PARP4: variants seen among roughly 807,000 people sequenced by gnomAD.
The protein encoded by PARP4 is poly(ADP-ribose) polymerase family member 4, also known as protein mono-ADP-ribosyltransferase PARP4.
Under a neutral mutation model 187.7 loss-of-function variants are expected in PARP4, and 120 were observed. That is an observed-to-expected ratio of 0.64 (90% CI 0.55 to 0.74). The LOEUF (loss-of-function observed/expected upper bound fraction) is 0.74. Ranked by LOEUF, PARP4 falls within the 30% of genes least tolerant of loss-of-function variation. The pLI is 0.00. For synonymous variants in PARP4, 654 were observed against 740.9 expected, an observed-to-expected ratio of 0.88 and a Z score of 1.90; for missense variants, 1,836 against 2,070.5, an observed-to-expected ratio of 0.89 and a Z score of 2.20.
chr13:24,505,792 C>T (rs79285527), intron 1 of PARP4, among the ~76,000 whole-genome samples: 118 of 152,324 alleles, frequency 7.7e-4, no homozygotes, highest in Admixed American at 1.6e-3. Context: ...ACAGGCTCCC[C>T]GCAAAGTAAG....
Position 24,492,404 on chromosome 13 carries a change from A to T in PARP4, c.1053+17T>A, listed in dbSNP as rs369486296. 5.1e-6 allele frequency: 8 copies of T among 1,580,222 alleles called. No homozygotes were observed. The highest frequency in any genetic ancestry group is 3.5e-5 in the Admixed American group (2 of 56,358). ...CATATTTTATAATAAATAGAATTCT[A>T]TATTTCAGAGGTTTACCTGGCAGAG... On this transcript the variant is annotated intron_variant, in intron 9 of 33. Transcript: ENST00000381989.
intron 31 of PARP4, among the ~76,000 whole-genome samples, chr13:24,433,169 T>A (rs1339268346): frequency 2.0e-5 from 3 of 152,150 alleles, no homozygotes; most frequent in Non-Finnish European, 4.4e-5. Context: ...GTTCCCATTA[T>A]CTCAAGTAGC....
chr13:24,500,045 T>TC (rs1017934400), intron 4 of PARP4, among the ~76,000 whole-genome samples: 2 of 149,006 alleles, frequency 1.3e-5, no homozygotes, highest in Non-Finnish European at 3.0e-5. Flanking sequence ...TAGGTTTTTT[T>TC]TTAAAAGAAT....
intron 5 of PARP4, among the ~76,000 whole-genome samples, chr13:24,498,922 T>C (rs1409803599): frequency 6.6e-6 from 1 of 152,222 alleles, no homozygotes; most frequent in Non-Finnish European, 1.5e-5. Flanking sequence ...GTTTAAAATT[T>C]TTGCTATGAG....
intron 18 of PARP4, 77 bp from the exon 19 acceptor site, chr13:24,459,387 G>C (rs1185195218): frequency 3.0e-6 from 4 of 1,329,246 alleles, no homozygotes; most frequent in Non-Finnish European, 4.1e-6. Flanking sequence ...ATGTAATCTT[G>C]GCAAGGCCAC....
At chr13:24,494,779 TGAACA>T in intron 6 of PARP4, 57 bp from the exon 7 acceptor site, 24 of 1,254,852 alleles carry the variant, frequency 1.9e-5, no homozygotes, top group South Asian at 2.9e-5. Context: ...CTAGCTTTAT[TGAACA>T]TAAATAAAGC....
In PARP4 at chr13:24,455,172, A is replaced by C. The variant is rs528635055; in HGVS notation, c.2603T>G (p.Leu868Arg). The C allele has an allele frequency of 2.0e-4, 321 of 1,600,860 alleles. 2 individuals carry two copies. The South Asian group carries it at 3.4e-3, about 17-fold the overall frequency. ...TTCGCTCTCACTGGCTAGGTCAGGG[A>C]GGTCGACATCGAGATCGGGTTGAAA... ...LVFQPDLDVD[L>R]PDLASESEVI... is the part of the protein sequence containing the mutation. The change falls in exon 22 of 34, where the codon CTC becomes CGC. Residue 868 changes from leucine to arginine, a missense_variant. Leu to Arg is a moderately radical substitution (Grantham distance 102, BLOSUM62 -2). Around this residue, in one of 8 missense-constraint regions of PARP4, gnomAD observed 1,147 missense variants for 1,214.2 expected, o/e 0.94. Coordinates refer to ENST00000381989, the MANE Select transcript of PARP4 (RefSeq NM_006437.4).
At chr13:24,435,657 G>A (rs7998293) in intron 30 of PARP4, among the ~76,000 whole-genome samples, 183 bp from the exon 31 acceptor site, 7,739 of 152,230 alleles carry the variant, frequency 0.051, 562 homozygotes, top group African/African-American at 0.16. Context: ...CAGCTCACGC[G>A]TGTCATCTCA....
rs755721846 is a variant in PARP4, at chr13:24,459,077, G to T, written c.2391C>A (p.Phe797Leu). The T allele has an allele frequency of 2.5e-6, 4 of 1,610,266 alleles. No homozygotes were observed. In the Admixed American group the frequency reaches 6.7e-5, roughly 27 times the overall value. The change falls in exon 20 of 34, where the codon TTC (phenylalanine) becomes TTA (leucine). Residue 797 changes from phenylalanine to leucine, a missense_variant. By Grantham distance (22) the Phe-to-Leu change is conservative. Coordinates refer to ENST00000381989, the MANE Select transcript of PARP4 (RefSeq NM_006437.4). ...MSIEMPYVIE[F>L]IFSDTHELKQ... Reference sequence around the variant, plus strand: ...TCAGTTCATGTGTATCACTGAAAATGAATTCAATCACATACGGCATCTCAA... The same window carrying T: ...TCAGTTCATGTGTATCACTGAAAATTAATTCAATCACATACGGCATCTCAA...
At chr13:24,510,280 C>T (rs571028585) in intron 1 of PARP4, among the ~76,000 whole-genome samples, 11 of 152,080 alleles carry the variant, frequency 7.2e-5, no homozygotes, top group African/African-American at 1.9e-4. Context: ...ATTGGCCGGG[C>T]GCGGTGGCTC....
In PARP4 at chr13:24,420,952, A is replaced by T; in HGVS notation, c.*167T>A. The T allele has an allele frequency of 1.4e-6, 1 of 724,470 alleles. No individual in the cohort carries two copies. The highest frequency in any genetic ancestry group is 1.9e-6 in the Non-Finnish European group (1 of 518,494). 44.9% of individuals were successfully genotyped at this position (724,470 alleles called of 1,614,324 possible). A position where few individuals can be genotyped will look rare whatever the true frequency, so the allele number is the denominator to read the frequency against. On this transcript the variant is annotated 3_prime_UTR_variant, in exon 34 of 34. Coordinates refer to ENST00000381989, the MANE Select transcript of PARP4 (RefSeq NM_006437.4). ...GAAATATTTTAAGTTTCATTTTATT[A>T]TTGCTTGTTAGTTGATTAAAGTAAT...
intron 20 of PARP4, among the ~76,000 whole-genome samples, chr13:24,457,907 A>T (rs1871969010): frequency 6.6e-6 from 1 of 152,114 alleles, no homozygotes; most frequent in South Asian, 2.1e-4. Context: ...AATGAATGAA[A>T]ATCATACTGT....
Position 24,447,018 on chromosome 13 carries a change from G to C in PARP4, c.3283C>G (p.Gln1095Glu). 1 of 1,583,300 alleles carries C rather than the reference G, an allele frequency of 6.3e-7. No homozygotes were observed. The highest frequency in any genetic ancestry group is 8.6e-7 in the Non-Finnish European group (1 of 1,168,268). Residue 1095 changes from glutamine to glutamate, a missense_variant and splice_region_variant, in exon 26 of 34, where the codon CAG becomes GAG. By Grantham distance (29) the Gln-to-Glu change is conservative (BLOSUM62 2). This residue lies in a region of PARP4 where 56 missense variants were observed against 56.6 expected (regional missense o/e 0.99). Coordinates refer to ENST00000381989, the MANE Select transcript of PARP4 (RefSeq NM_006437.4). ...LVYGFIPHCT[Q>E]ATLCALIQEK... Reference sequence around the variant, plus strand: ...TAACAAACTCTGCGTCTTCTTACCTGTGTGCAGTGAGGAATGAATCCATAG... The same window carrying C: ...TAACAAACTCTGCGTCTTCTTACCTCTGTGCAGTGAGGAATGAATCCATAG...
intron 28 of PARP4, 135 bp downstream of exon 28, chr13:24,443,515 A>C (rs1871054633): frequency 1.5e-6 from 1 of 665,816 alleles, no homozygotes; most frequent in South Asian, 1.8e-5. Context: ...ACAGTGTCAC[A>C]GATACAGTGA....
At chr13:24,492,621 A>G (rs750360848) in intron 8 of PARP4, 27 bp from the exon 9 acceptor site, 1 of 1,572,206 alleles carries the variant, frequency 6.4e-7, no homozygotes, top group South Asian at 1.1e-5. Context: ...TATGCTTATT[A>G]CAATGAAATC....
At chr13:24,437,260 T>C (rs965267614) in intron 30 of PARP4, among the ~76,000 whole-genome samples, 3 of 151,128 alleles carry the variant, frequency 2.0e-5, no homozygotes, top group Non-Finnish European at 2.9e-5. Flanking sequence ...CATAAAACTA[T>C]TTTAAAAATA....
chr13:24,484,787 C>G lies in PARP4; in HGVS notation c.1353-39G>C, dbSNP rs1342460592. On this transcript the variant is annotated intron_variant, in intron 11 of 33. Coordinates refer to ENST00000381989, the MANE Select transcript of PARP4 (RefSeq NM_006437.4). Reference sequence around the variant, plus strand: ...GGCAGGATAAGGTGTAAGCCCAACACTGACTGCATCTCTTCCTTGCTCAGA... The same window carrying G: ...GGCAGGATAAGGTGTAAGCCCAACAGTGACTGCATCTCTTCCTTGCTCAGA... The G allele has an allele frequency of 1.5e-5, 19 of 1,280,904 alleles. No homozygotes were observed. In the East Asian group the frequency reaches 4.4e-4, roughly 30 times the overall value. 79.3% of individuals were successfully genotyped at this position (1,280,904 alleles called of 1,614,324 possible). A position where few individuals can be genotyped will look rare whatever the true frequency, so the allele number is the denominator to read the frequency against.
At chr13:24,427,470 A>T (rs1401075746) in intron 32 of PARP4, among the ~76,000 whole-genome samples, 2 of 150,634 alleles carry the variant, frequency 1.3e-5, no homozygotes, top group Non-Finnish European at 2.9e-5. Flanking sequence ...TCCTGGACTC[A>T]AGTGATCCTC....
intron 2 of PARP4, among the ~76,000 whole-genome samples, chr13:24,502,629 T>C (rs986056261): frequency 4.6e-5 from 7 of 152,238 alleles, no homozygotes; most frequent in Admixed American, 4.6e-4. Flanking sequence ...GATGCACATT[T>C]CACATGTTTA....
Sources: gnomAD v4.1 joint callset for allele counts (sites outside exome capture counted in the v4.1 genomes callset) on GRCh38, gnomAD v4.1.1 for gene constraint, gnomAD v4.1.1 regional missense constraint, MANE v1.5 for transcripts, NCBI Gene and HGNC (gene_info 2026-07-23, HGNC 2026-07-21) for gene names.